Variants in L2HGDH observed in about 807,000 individuals in gnomAD.
L2HGDH encodes L-2-hydroxyglutarate dehydrogenase, mitochondrial.
Under a neutral mutation model 51.5 loss-of-function variants are expected in L2HGDH, and 34 were observed. That is an observed-to-expected ratio of 0.66 (90% confidence interval 0.50 to 0.88). The LOEUF is 0.88. Among genes scored for constraint, L2HGDH ranks in the 40% least tolerant of loss-of-function variants. L2HGDH has a pLI of 0.00. For synonymous variants in L2HGDH, 198 were observed against 197.9 expected (o/e 1.00, Z -0.01); for missense variants, 558 against 571.9 (o/e 0.98, Z 0.25).
intron 9 of L2HGDH, among the ~76,000 whole-genome samples, chr14:50,250,227 T>C (rs939479875): frequency 2.0e-5 from 3 of 152,210 alleles, no homozygotes; most frequent in Non-Finnish European, 2.9e-5. Flanking sequence ...GGACGGCATT[T>C]CTAGCACTAC....
chr14:50,299,203 C>A (rs1224225154), intron 3 of L2HGDH, among the ~76,000 whole-genome samples: 6 of 151,954 alleles, frequency 3.9e-5, no homozygotes, highest in African/African-American at 1.5e-4. Context: ...ACTATATATG[C>A]CAATAAGTTA....
intron 9 of L2HGDH, among the ~76,000 whole-genome samples, chr14:50,254,178 ATAAC>A (rs922995456): frequency 2.0e-4 from 30 of 152,168 alleles, no homozygotes; most frequent in Admixed American, 6.6e-5. Flanking sequence ...ATATTTAAAA[ATAAC>A]TAAGAGTGTA....
intron 9 of L2HGDH, among the ~76,000 whole-genome samples, chr14:50,259,623 G>C (rs895561831): frequency 6.6e-6 from 1 of 151,518 alleles, no homozygotes; most frequent in Non-Finnish European, 1.5e-5. Context: ...GAGGTCAGGA[G>C]TCCAGACCAG....
chr14:50,307,763 T>C (rs143382145), intron 1 of L2HGDH, among the ~76,000 whole-genome samples: 1 of 152,334 alleles, frequency 6.6e-6, no homozygotes, highest in Admixed American at 6.5e-5. Flanking sequence ...CATCTGTAAA[T>C]ATTTCAATGT....
At chr14:50,281,961 C>T (rs1210751510) in intron 5 of L2HGDH, among the ~76,000 whole-genome samples, 3 of 152,320 alleles carry the variant, frequency 2.0e-5, no homozygotes, top group Admixed American at 6.5e-5. Context: ...CTGCCTCAGC[C>T]TCCTGAGTAG....
At chr14:50,295,458 G>C (rs2029976206) in intron 3 of L2HGDH, among the ~76,000 whole-genome samples, 1 of 151,888 alleles carries the variant, frequency 6.6e-6, no homozygotes, top group Non-Finnish European at 1.5e-5. Context: ...CCAGGCTATA[G>C]TGCAGTGGCC....
rs1027312804 is a variant in L2HGDH at position 50,312,216 on chromosome 14, C to T, written c.-66G>A. ...CACTTGACCCTCCACGGCCGAGGACCCGCGCTCTTTAGCCCCGCCCCTCAC... is the reference window on the plus strand; with the variant it reads ...CACTTGACCCTCCACGGCCGAGGACTCGCGCTCTTTAGCCCCGCCCCTCAC... On this transcript the variant is annotated 5_prime_UTR_variant, in exon 1 of 10. Transcript: ENST00000267436. The T allele has an allele frequency of 1.3e-6, 2 of 1,586,486 alleles. No homozygotes were observed. The highest frequency in any genetic ancestry group is 1.3e-5 in the African/African-American group (1 of 74,486).
intron 5 of L2HGDH, among the ~76,000 whole-genome samples, chr14:50,281,947 TCTC>T: frequency 6.6e-6 from 1 of 152,264 alleles, no homozygotes; most frequent in South Asian, 2.1e-4. Flanking sequence ...TTCAAGCTAT[TCTC>T]CTGCCTCAGC....
At chr14:50,249,788 G>A (rs1472528249) in intron 9 of L2HGDH, among the ~76,000 whole-genome samples, 1 of 150,594 alleles carries the variant, frequency 6.6e-6, no homozygotes, top group Non-Finnish European at 1.5e-5. Flanking sequence ...TAAAAGTAAA[G>A]GGGACTTTGT....
Position 50,312,181 on chromosome 14 carries a change from CAGA to C in L2HGDH, c.-34_-32del, listed in dbSNP as rs777093680. The C allele has an allele frequency of 1.2e-4, 199 of 1,606,314 alleles. No homozygotes were observed. The highest frequency in any genetic ancestry group is 1.6e-4 in the Non-Finnish European group (186 of 1,178,782). Reference sequence around the variant, plus strand: ...ACGCACGCTCCCCTCCCTCAGCGCTCAGAAGAAGCCACTTGACCCTCCACGGCC... The same window carrying C: ...ACGCACGCTCCCCTCCCTCAGCGCTCAGAAGCCACTTGACCCTCCACGGCC... On this transcript the variant is annotated 5_prime_UTR_variant, in exon 1 of 10. Transcript: ENST00000267436.
chr14:50,274,053 G>T (rs903223319), intron 6 of L2HGDH, among the ~76,000 whole-genome samples: 1 of 151,984 alleles, frequency 6.6e-6, no homozygotes, highest in African/African-American at 2.4e-5. Flanking sequence ...ACTCCAGCCT[G>T]GGCAACAAGA....
chr14:50,257,438 C>T (rs1260844145), intron 9 of L2HGDH, among the ~76,000 whole-genome samples: 6 of 151,424 alleles, frequency 4.0e-5, no homozygotes, highest in African/African-American at 1.5e-4. Flanking sequence ...GGTGTAATCA[C>T]AGCTCACTGC....
intron 9 of L2HGDH, among the ~76,000 whole-genome samples, chr14:50,262,926 G>T (rs1889119607): frequency 6.6e-6 from 1 of 152,152 alleles, no homozygotes; most frequent in Admixed American, 6.5e-5. Context: ...GTCCCCAAAT[G>T]CACCTGCCTG....
intron 6 of L2HGDH, among the ~76,000 whole-genome samples, chr14:50,278,226 T>A (rs536142912): frequency 6.6e-6 from 1 of 152,326 alleles, no homozygotes; most frequent in African/African-American, 2.4e-5. Context: ...AGAGAGTTAA[T>A]AAGTTAGTGG....
At chr14:50,256,766 G>A (rs894772249) in intron 9 of L2HGDH, among the ~76,000 whole-genome samples, 1 of 151,606 alleles carries the variant, frequency 6.6e-6, no homozygotes, top group East Asian at 1.9e-4. Context: ...TTTCCATCTT[G>A]TATTTAGTTT....
intron 4 of L2HGDH, among the ~76,000 whole-genome samples, chr14:50,289,281 C>G (rs1241096151): frequency 2.0e-5 from 3 of 151,840 alleles, no homozygotes; most frequent in Admixed American, 2.0e-4. Flanking sequence ...GACTGATATG[C>G]CTTAAAGAAA....
Position 50,269,207 on chromosome 14 carries a change from A to G in L2HGDH, c.862T>C (p.Leu288=). The change falls in exon 7 of 10, where the codon TTG becomes CTG. Residue 288 remains leucine, a synonymous_variant. Transcript: ENST00000267436. The stretch of plus-strand genomic sequence containing the variant: ...ACAAGATAACATTTTTCTGGCTTCA[A>G]AAGCAGGTAATCTCCCCGGAATGGT... ...IVPFRGDYLL[L]KPEKCYLVKG... is the part of the protein sequence containing the mutation. The G allele has an allele frequency of 6.2e-7, 1 of 1,614,062 alleles. No individual in the cohort carries two copies.
At chr14:50,283,511 A>G (rs1025328533) in intron 5 of L2HGDH, among the ~76,000 whole-genome samples, 2 of 152,158 alleles carry the variant, frequency 1.3e-5, no homozygotes, top group Non-Finnish European at 1.5e-5. Context: ...AAAAAAATCA[A>G]TATAAGTACA....
chr14:50,257,468 C>G (rs1888739710), intron 9 of L2HGDH, among the ~76,000 whole-genome samples: 1 of 151,722 alleles, frequency 6.6e-6, no homozygotes, highest in Admixed American at 6.6e-5. Context: ...CTCTTAGGCT[C>G]AAGCCATCCT....
Sources: allele counts gnomAD v4.1 joint callset (sites outside exome capture counted in the v4.1 genomes callset), GRCh38; gene constraint gnomAD v4.1.1; transcripts MANE v1.5; gene names NCBI Gene and HGNC (gene_info 2026-07-23, HGNC 2026-07-21).